Variants in STK33 observed in about 807,000 individuals in gnomAD.
The protein encoded by STK33 is serine/threonine kinase 33, also known as serine/threonine-protein kinase 33.
STK33 carries 52 observed loss-of-function variants against 58.0 expected under a neutral mutation model. The observed-to-expected ratio is 0.90, with a 90% confidence interval of 0.72 to 1.13. The LOEUF is 1.13. Ranked by LOEUF, STK33 falls within the 50% of genes most tolerant of loss-of-function variation. The pLI, the probability that STK33 is intolerant of heterozygous loss-of-function variation, is 0.00. For missense variants in STK33, 630 were observed against 604.2 expected (o/e 1.04, Z -0.45); for synonymous variants, 215 against 200.1 (o/e 1.07, Z -0.63).
chr11:8,353,673 G>A, the STK33 span, among the ~76,000 whole-genome samples: 8 of 152,212 alleles, frequency 5.3e-5, no homozygotes, highest in African/African-American at 1.9e-4. Context: ...ATTGTTTTTC[G>A]GCTGTCTCAA....
chr11:8,387,154 A>G (rs1271284430), downstream of STK33, among the ~76,000 whole-genome samples: 1 of 152,190 alleles, frequency 6.6e-6, no homozygotes, highest in Non-Finnish European at 1.5e-5. Context: ...CAACATGCAA[A>G]ATAATTCCAC....
chr11:8,563,060 T>C (rs923177811), intron 1 of STK33, among the ~76,000 whole-genome samples: 3 of 152,144 alleles, frequency 2.0e-5, no homozygotes, highest in Non-Finnish European at 4.4e-5. Context: ...AAAAGTCTCC[T>C]TGAAGCTCAC....
At chr11:8,391,108 G>C (rs1848615221), downstream of STK33, among the ~76,000 whole-genome samples, 1 of 152,138 alleles carries the variant, frequency 6.6e-6, no homozygotes, top group Non-Finnish European at 1.5e-5. Context: ...GCTCCACTTA[G>C]CTAATGAAGC....
intron 8 of STK33, among the ~76,000 whole-genome samples, chr11:8,461,199 G>A (rs141280379): frequency 4.6e-5 from 7 of 152,140 alleles, no homozygotes; most frequent in Admixed American, 1.3e-4. Flanking sequence ...CGCCTAATCC[G>A]TACATTATTA....
At chr11:8,356,614 T>C in the STK33 span, among the ~76,000 whole-genome samples, 1 of 152,062 alleles carries the variant, frequency 6.6e-6, no homozygotes, top group East Asian at 1.9e-4. Context: ...GCAGTTCCTA[T>C]AAAGGATCAA....
Position 8,452,948 on chromosome 11 carries a change from C to G in STK33, c.787-42G>C, listed in dbSNP as rs767677859. 2.6e-6 allele frequency: 4 copies of G among 1,517,154 alleles called. No individual in the cohort carries two copies. The Admixed American group carries it at 5.0e-5, about 19-fold the overall frequency. 94.0% of individuals were successfully genotyped at this position (1,517,154 alleles called of 1,614,324 possible). On this transcript the variant is annotated intron_variant, in intron 10 of 15. Coordinates refer to ENST00000687296, the MANE Select transcript of STK33 (RefSeq NM_001352389.2). ...AAGCACAGTCACCTGTTTTCCTGTC[C>G]TAGAGCTCACTCATTCTGAAGATAA...
At chr11:8,449,484 G>A (rs532002827) in intron 11 of STK33, among the ~76,000 whole-genome samples, 1 of 151,600 alleles carries the variant, frequency 6.6e-6, no homozygotes. Flanking sequence ...TCCTTTGTAG[G>A]GACATGGATG....
chr11:8,383,112 G>T, the STK33 span, among the ~76,000 whole-genome samples: 25 of 152,226 alleles, frequency 1.6e-4, no homozygotes, highest in Non-Finnish European at 3.5e-4. Flanking sequence ...CCGAGGACTG[G>T]GGGTGACGGG....
At chr11:8,489,492 G>A (rs538668947) in intron 1 of STK33, among the ~76,000 whole-genome samples, 10 of 152,222 alleles carry the variant, frequency 6.6e-5, no homozygotes, top group African/African-American at 2.4e-4. Flanking sequence ...ACTAGCACCT[G>A]GTGAATATCA....
At chr11:8,488,492 T>C (rs1950343810) in intron 1 of STK33, among the ~76,000 whole-genome samples, 1 of 152,020 alleles carries the variant, frequency 6.6e-6, no homozygotes, top group Non-Finnish European at 1.5e-5. Context: ...AGGTAAGTTG[T>C]CAACCACCTT....
At chr11:8,553,656 T>A (rs530254603) in intron 1 of STK33, among the ~76,000 whole-genome samples, 2 of 152,198 alleles carry the variant, frequency 1.3e-5, no homozygotes, top group South Asian at 4.2e-4. Context: ...ACATTAATAG[T>A]CAACTGATGT....
At chr11:8,362,397 G>A in the STK33 span, among the ~76,000 whole-genome samples, 2 of 152,134 alleles carry the variant, frequency 1.3e-5, no homozygotes, top group African/African-American at 2.4e-5. Context: ...TCGCTCATTC[G>A]GAGTGAAATA....
At chr11:8,497,083 A>T (rs188138387) in intron 1 of STK33, among the ~76,000 whole-genome samples, 5 of 152,302 alleles carry the variant, frequency 3.3e-5, no homozygotes, top group Admixed American at 1.3e-4. Context: ...AACAAAAAAT[A>T]AAAAATAACA....
intron 1 of STK33, among the ~76,000 whole-genome samples, chr11:8,518,239 C>A (rs1354307028): frequency 1.3e-5 from 2 of 152,108 alleles, no homozygotes; most frequent in Admixed American, 1.3e-4. Context: ...TCCAGCCAAA[C>A]TAAGCTTCAT....
intron 1 of STK33, among the ~76,000 whole-genome samples, chr11:8,519,210 T>C (rs1953134831): frequency 6.6e-6 from 1 of 152,104 alleles, no homozygotes; most frequent in Non-Finnish European, 1.5e-5. Context: ...CTCAACTACA[T>C]GGAAACTGAA....
chr11:8,535,281 T>C (rs1322737387), intron 1 of STK33, among the ~76,000 whole-genome samples: 2 of 152,064 alleles, frequency 1.3e-5, no homozygotes, highest in African/African-American at 4.8e-5. Flanking sequence ...AATGCAAAAA[T>C]TTCAAAAGTA....
intron 1 of STK33, among the ~76,000 whole-genome samples, chr11:8,525,681 A>G (rs912546980): frequency 6.6e-6 from 1 of 152,204 alleles, no homozygotes; most frequent in African/African-American, 2.4e-5. Flanking sequence ...ACCCTGGGGT[A>G]CAAAAAGATT....
intron 1 of STK33, among the ~76,000 whole-genome samples, chr11:8,530,939 C>T (rs1026385309): frequency 7.5e-5 from 9 of 120,232 alleles, no homozygotes; most frequent in East Asian, 2.9e-4. Context: ...GATCCGCCCA[C>T]CTCAGTCTCC....
the STK33 span, among the ~76,000 whole-genome samples, chr11:8,375,674 C>T: frequency 6.6e-6 from 1 of 152,028 alleles, no homozygotes; most frequent in Admixed American, 6.5e-5. Context: ...GTGGTTTCCC[C>T]CATGCTGTTT....
Sources: allele counts gnomAD v4.1 joint callset (sites outside exome capture counted in the v4.1 genomes callset), GRCh38; gene constraint gnomAD v4.1.1; transcripts MANE v1.5; gene names NCBI Gene and HGNC (gene_info 2026-07-23, HGNC 2026-07-21).